Variants in TANC2 observed in about 807,000 individuals in gnomAD.
TANC2 encodes protein TANC2.
A neutral mutation model predicts 210.5 loss-of-function variants in TANC2; 26 were observed. The observed-to-expected ratio is 0.12, with a 90% confidence interval of 0.09 to 0.17. The LOEUF is 0.17. Among genes scored for constraint, TANC2 ranks in the 10% least tolerant of loss-of-function variants. The pLI is 1.00. For synonymous variants in TANC2, 931 were observed against 967.1 expected, an observed-to-expected ratio of 0.96 and a Z score of 0.69; for missense variants, 2,129 against 2,608.9, an observed-to-expected ratio of 0.82 and a Z score of 4.01.
intron 10 of TANC2, 130 bp downstream of exon 10, chr17:63,314,799 T>A: frequency 9.4e-6 from 11 of 1,169,356 alleles, no homozygotes; most frequent in Non-Finnish European, 1.3e-5. Context: ...GACTATTCAT[T>A]TAGGTTGAGA....
intron 2 of TANC2, among the ~76,000 whole-genome samples, chr17:63,019,285 A>G (rs947922015): frequency 2.6e-5 from 4 of 152,074 alleles, no homozygotes; most frequent in African/African-American, 7.2e-5. Context: ...TGGCGTGATC[A>G]TGACTCACTG....
intron 2 of TANC2, among the ~76,000 whole-genome samples, chr17:63,015,377 T>G (rs1267577560): frequency 6.6e-6 from 1 of 152,184 alleles, no homozygotes; most frequent in Non-Finnish European, 1.5e-5. Context: ...TGCAGGTTTG[T>G]TACATATGTA....
At chr17:63,070,284 T>C (rs2036350307) in intron 2 of TANC2, among the ~76,000 whole-genome samples, 1 of 152,188 alleles carries the variant, frequency 6.6e-6, no homozygotes, top group South Asian at 2.1e-4. Context: ...AGAGCCTTTC[T>C]TGGGCACAGA....
At chr17:63,197,579 T>C (rs1186030537) in intron 6 of TANC2, 2 of 152,224 alleles carry the variant, frequency 1.3e-5, no homozygotes, top group Non-Finnish European at 2.9e-5. Context: ...TCAGCGTACA[T>C]CATTTTTCTG....
rs545046418 is a variant in TANC2 at position 62,979,461 on chromosome 17, A to G, written c.-24+12712A>G. On this transcript the variant is annotated intron_variant, in intron 1 of 27. Transcript: ENST00000689528. Reference sequence around the variant, plus strand: ...CTACTCCTATTCTCTCATTTCTTATACTAGCAACTTCGTATGAGATTAACC... The same window carrying G: ...CTACTCCTATTCTCTCATTTCTTATGCTAGCAACTTCGTATGAGATTAACC... Among the ~76,000 whole-genome samples, 4 of 152,268 alleles carry G rather than the reference A, an allele frequency of 2.6e-5. No homozygotes were observed. In the East Asian group the frequency reaches 7.7e-4, roughly 29 times the overall value.
chr17:63,356,558 G>A (rs1293090884), intron 14 of TANC2, among the ~76,000 whole-genome samples: 4 of 152,156 alleles, frequency 2.6e-5, no homozygotes, highest in African/African-American at 9.7e-5. Context: ...ACTCCATGCT[G>A]ATTCATCAGA....
At chr17:63,101,546 T>G (rs1260288670) in intron 4 of TANC2, among the ~76,000 whole-genome samples, 1 of 152,212 alleles carries the variant, frequency 6.6e-6, no homozygotes, top group Non-Finnish European at 1.5e-5. Context: ...TGCTTTTTAC[T>G]TAATCATTCA....
At position 63,010,408 on chromosome 17, in the gene TANC2, A is replaced by G. The variant is rs560534268; in HGVS notation, c.67+782A>G. ...AACTCCCCTACATTAACAAAAGGAA[A>G]ACTGTTTTTTCCTCCACTGCTCACA... is the stretch of plus-strand genomic sequence containing the variant. On this transcript the variant is annotated intron_variant, in intron 2 of 27. Coordinates refer to ENST00000689528, the Ensembl canonical transcript of TANC2. Among the ~76,000 whole-genome samples, 12 of 151,760 alleles carry G rather than the reference A, an allele frequency of 7.9e-5. 1 individual carries two copies. The South Asian group carries it at 2.5e-3, about 32-fold the overall frequency.
chr17:63,092,316 C>A (rs185138245), intron 3 of TANC2, among the ~76,000 whole-genome samples: 7 of 151,864 alleles, frequency 4.6e-5, no homozygotes, highest in African/African-American at 9.7e-5. Context: ...TTATATATAC[C>A]AGTTGATATT....
chr17:63,204,609 GA>G (rs1402775726), intron 7 of TANC2, among the ~76,000 whole-genome samples: 1 of 148,244 alleles, frequency 6.7e-6, no homozygotes, highest in Non-Finnish European at 1.5e-5. Flanking sequence ...AAAAAAAAAA[GA>G]AAGAAAGAAA....
At chr17:63,238,628 A>G (rs2042687527) in intron 8 of TANC2, among the ~76,000 whole-genome samples, 1 of 152,180 alleles carries the variant, frequency 6.6e-6, no homozygotes. Context: ...CTAAAGAATA[A>G]TTCTGCAACA....
chr17:63,301,784 C>T (rs192163863), intron 9 of TANC2, among the ~76,000 whole-genome samples: 19 of 152,244 alleles, frequency 1.2e-4, no homozygotes, highest in African/African-American at 4.1e-4. Flanking sequence ...CTCTTCAGTT[C>T]TGCTCTGATC....
intron 2 of TANC2, among the ~76,000 whole-genome samples, chr17:63,065,833 A>G (rs1428368426): frequency 2.6e-5 from 4 of 151,918 alleles, no homozygotes; most frequent in African/African-American, 7.3e-5. Context: ...TATTTTTTCC[A>G]TTTTGTAGGT....
At position 63,395,690 on chromosome 17, in the gene TANC2, C is replaced by T. The variant is rs977513030; in HGVS notation, c.3052-53C>T. The stretch of plus-strand genomic sequence containing the variant: ...TGCAGTGGCGGATGTGACTAGATTG[C>T]GAGCTCAGCCACAAGTCTGTGTTCA... On this transcript the variant is annotated intron_variant, in intron 17 of 27. Transcript: ENST00000689528. 29 of 1,535,798 alleles carry T rather than the reference C, an allele frequency of 1.9e-5. No homozygotes were observed. In the African/African-American group the frequency reaches 2.2e-4, roughly 12 times the overall value.
intron 6 of TANC2, among the ~76,000 whole-genome samples, chr17:63,200,270 G>A (rs749180591): frequency 4.0e-5 from 6 of 149,756 alleles, no homozygotes; most frequent in East Asian, 2.0e-4. Flanking sequence ...CAGGAGAATC[G>A]CTTGAACCTG....
intron 9 of TANC2, among the ~76,000 whole-genome samples, chr17:63,272,505 G>A (rs574515195): frequency 6.6e-6 from 1 of 152,236 alleles, no homozygotes; most frequent in African/African-American, 2.4e-5. Context: ...GTCATTGGCA[G>A]TTTGATAAGA....
chr17:62,987,884 T>G (rs1310058439), intron 1 of TANC2, among the ~76,000 whole-genome samples: 2 of 152,268 alleles, frequency 1.3e-5, no homozygotes, highest in East Asian at 3.9e-4. Flanking sequence ...CTGAAGTCAC[T>G]GAGTTTTTTT....
At chr17:63,410,443 C>T (rs1555654905) in intron 21 of TANC2, among the ~76,000 whole-genome samples, 1 of 150,960 alleles carries the variant, frequency 6.6e-6, no homozygotes, top group Non-Finnish European at 1.5e-5. Context: ...GTCCTGGGCT[C>T]AGTGTCCTCT....
At chr17:63,304,449 C>G (rs1211767652) in intron 9 of TANC2, among the ~76,000 whole-genome samples, 1 of 152,182 alleles carries the variant, frequency 6.6e-6, no homozygotes, top group Non-Finnish European at 1.5e-5. Context: ...AAGATGGGTG[C>G]TTGCTCCTTC....
Sources: gnomAD v4.1 joint callset for allele counts (sites outside exome capture counted in the v4.1 genomes callset) on GRCh38, gnomAD v4.1.1 for gene constraint, MANE v1.5 for transcripts, NCBI Gene and HGNC (gene_info 2026-07-23, HGNC 2026-07-21) for gene names.